Variants in FGF10 observed in about 807,000 individuals in gnomAD.
FGF10 encodes fibroblast growth factor 10, also known as FGF-10.
A neutral mutation model predicts 19.8 loss-of-function variants in FGF10; 2 were observed. The observed-to-expected ratio is 0.10, with a 90% CI of 0.04 to 0.32. The LOEUF (loss-of-function observed/expected upper bound fraction) is 0.32, where lower values mean the gene tolerates loss of function less well. FGF10 is among the 10% of genes least tolerant of loss of function. FGF10 has a pLI of 1.00. For missense variants in FGF10, 191 were observed against 246.3 expected (o/e 0.78, Z 1.50); for synonymous variants, 112 against 94.0 (o/e 1.19, Z -1.10).
rs200701392 is a variant in FGF10, at chr5:44,388,363, G to C, written c.320C>G (p.Pro107Arg). The change falls in exon 1 of 3, where the codon CCG becomes CGG. Residue 107 changes from proline (P) to arginine (R), a missense_variant. This residue lies in a region of FGF10 where 99 missense variants were observed against 161.7 expected (regional missense o/e 0.61). Coordinates refer to ENST00000264664, the MANE Select transcript of FGF10 (RefSeq NM_004465.2). ...AGCATGCATTTGTTACTTACTGTAC[G>C]GGCAGTTCTCCTTCTTGGTCCCGCT... ...KVSGTKKENC[P>R]YSILEITSVE... is the part of the protein sequence containing the mutation. 1 of 1,613,042 alleles carries C rather than the reference G, an allele frequency of 6.2e-7. No individual in the cohort carries two copies. Among genetic ancestry groups the C allele is most frequent in the Non-Finnish European group, 8.5e-7 (1 of 1,179,826 alleles).
intron 1 of FGF10, among the ~76,000 whole-genome samples, chr5:44,326,708 T>G (rs1740622790): frequency 6.6e-6 from 1 of 152,092 alleles, no homozygotes. Context: ...AAAGCATACT[T>G]CTTTCTTCAT....
intron 1 of FGF10, among the ~76,000 whole-genome samples, chr5:44,381,350 G>T (rs527995600): frequency 4.1e-4 from 63 of 152,078 alleles, no homozygotes; most frequent in Admixed American, 4.1e-3. Context: ...TAGATGCTAC[G>T]CATCTGAAAA....
At chr5:44,351,831 C>T (rs1741240282) in intron 1 of FGF10, among the ~76,000 whole-genome samples, 1 of 151,550 alleles carries the variant, frequency 6.6e-6, no homozygotes, top group East Asian at 1.9e-4. Flanking sequence ...ACAACAGTTA[C>T]ATTCCTTTTT....
intron 1 of FGF10, among the ~76,000 whole-genome samples, chr5:44,322,039 A>C (rs1359218748): frequency 6.6e-6 from 1 of 152,180 alleles, no homozygotes; most frequent in Non-Finnish European, 1.5e-5. Context: ...CTGGGATTAC[A>C]GGTGTGAGCC....
intron 1 of FGF10, among the ~76,000 whole-genome samples, chr5:44,311,148 G>A (rs2111690493): frequency 6.6e-6 from 1 of 151,766 alleles, no homozygotes; most frequent in East Asian, 1.9e-4. Flanking sequence ...CTGTGTTGGG[G>A]GAAAATCCAT....
chr5:44,383,162 T>C (rs1417525655), intron 1 of FGF10, among the ~76,000 whole-genome samples: 2 of 152,032 alleles, frequency 1.3e-5, no homozygotes, highest in Non-Finnish European at 2.9e-5. Context: ...TTTCAACATT[T>C]TGGCTTGTGG....
At chr5:44,344,480 A>G (rs1211023621) in intron 1 of FGF10, among the ~76,000 whole-genome samples, 1 of 151,696 alleles carries the variant, frequency 6.6e-6, no homozygotes, top group Non-Finnish European at 1.5e-5. Flanking sequence ...CAGTAAAAAT[A>G]TCAGATTTGA....
intron 1 of FGF10, among the ~76,000 whole-genome samples, chr5:44,363,739 A>G (rs942706532): frequency 6.6e-6 from 1 of 151,898 alleles, no homozygotes; most frequent in African/African-American, 2.4e-5. Flanking sequence ...TATTTGTCCT[A>G]TGTCATTAAG....
chr5:44,322,069 T>C (rs973979471), intron 1 of FGF10, among the ~76,000 whole-genome samples: 2 of 152,072 alleles, frequency 1.3e-5, no homozygotes, highest in Non-Finnish European at 2.9e-5. Context: ...AGCTACATCT[T>C]CCCTTATACA....
rs764913349 is a variant in FGF10 at position 44,376,490 on chromosome 5, C to CAAAAAAAAAAAAAAAAAAAAAA, written c.325+11846_325+11867dup. 1.9e-3 allele frequency among the ~76,000 whole-genome samples: 67 copies of CAAAAAAAAAAAAAAAAAAAAAA among 34,538 alleles called. 12 individuals are homozygous for CAAAAAAAAAAAAAAAAAAAAAA. Among genetic ancestry groups the CAAAAAAAAAAAAAAAAAAAAAA allele is most frequent in the East Asian group, 6.5e-3 (3 of 464 alleles). The allele number at this position is 34,538 out of a possible 152,430, so 22.7% of individuals were successfully genotyped here. A position where few individuals can be genotyped will look rare whatever the true frequency, so the allele number is the denominator to read the frequency against. ...CTAAGACAAGTTAGAATACAAATGC[C>CAAAAAAAAAAAAAAAAAAAAAA]AAAAAAAAAAAAAAAAAAAAAAAAA... On this transcript the variant is annotated intron_variant, in intron 1 of 2. Transcript: ENST00000264664.
At chr5:44,335,404 T>G (rs755065705) in intron 1 of FGF10, among the ~76,000 whole-genome samples, 1 of 152,030 alleles carries the variant, frequency 6.6e-6, no homozygotes, top group Non-Finnish European at 1.5e-5. Flanking sequence ...CTACTTAGTA[T>G]GTATCTTAGT....
At chr5:44,349,502 ATGTGTGTG>A (rs1260126264) in intron 1 of FGF10, among the ~76,000 whole-genome samples, 2 of 120,998 alleles carry the variant, frequency 1.7e-5, no homozygotes, top group African/African-American at 6.1e-5. Flanking sequence ...ATATATATAT[ATGTGTGTG>A]TGTATATATC....
At chr5:44,348,616 T>C (rs2111812514) in intron 1 of FGF10, among the ~76,000 whole-genome samples, 1 of 151,642 alleles carries the variant, frequency 6.6e-6, no homozygotes, top group Middle Eastern at 3.4e-3. Context: ...TTCCTAGACT[T>C]AGCAAATAAA....
At chr5:44,356,949 A>T (rs1322832980) in intron 1 of FGF10, among the ~76,000 whole-genome samples, 2 of 151,232 alleles carry the variant, frequency 1.3e-5, no homozygotes, top group Non-Finnish European at 3.0e-5. Context: ...GTGACCTTAC[A>T]TCCCTTTCCC....
intron 1 of FGF10, among the ~76,000 whole-genome samples, chr5:44,358,015 G>A (rs1236581089): frequency 6.6e-6 from 1 of 151,398 alleles, no homozygotes; most frequent in East Asian, 2.0e-4. Flanking sequence ...TGACTTTAAA[G>A]TCAGGAGTCT....
chr5:44,346,516 A>G, intron 1 of FGF10, among the ~76,000 whole-genome samples: 1 of 151,796 alleles, frequency 6.6e-6, no homozygotes, highest in African/African-American at 2.4e-5. Flanking sequence ...AACTTCTCCC[A>G]CTACTCTCTA....
intron 1 of FGF10, among the ~76,000 whole-genome samples, chr5:44,350,942 G>C (rs556029638): frequency 6.6e-6 from 1 of 151,200 alleles, no homozygotes; most frequent in African/African-American, 2.4e-5. Flanking sequence ...AATAATGCCC[G>C]CTGATAATTA....
intron 1 of FGF10, among the ~76,000 whole-genome samples, chr5:44,332,040 C>A (rs1440638755): frequency 6.6e-6 from 1 of 151,976 alleles, no homozygotes; most frequent in African/African-American, 2.4e-5. Flanking sequence ...ACAACGAATA[C>A]TATTAAACCC....
intron 1 of FGF10, among the ~76,000 whole-genome samples, chr5:44,355,257 T>C (rs923019769): frequency 4.6e-5 from 7 of 151,376 alleles, no homozygotes; most frequent in Non-Finnish European, 8.9e-5. Context: ...ACCACTCTGA[T>C]GTATGTGGCT....
Sources: gnomAD v4.1 joint callset for allele counts (sites outside exome capture counted in the v4.1 genomes callset) on GRCh38, gnomAD v4.1.1 for gene constraint, gnomAD v4.1.1 regional missense constraint, MANE v1.5 for transcripts, NCBI Gene and HGNC (gene_info 2026-07-23, HGNC 2026-07-21) for gene names.